The following APOBEC1 variants were observed in gnomAD, a reference collection of about 807,000 sequenced individuals.
APOBEC1 encodes apolipoprotein B mRNA editing enzyme catalytic subunit 1, also known as C->U-editing enzyme APOBEC-1.
Under a neutral mutation model 26.3 loss-of-function variants are expected in APOBEC1, and 22 were observed. The observed-to-expected ratio is 0.84, with a 90% CI of 0.60 to 1.19. APOBEC1 has a LOEUF of 1.19. Ranked by LOEUF, APOBEC1 falls within the 50% of genes most tolerant of loss-of-function variation. The pLI, the probability that APOBEC1 is intolerant of heterozygous loss-of-function variation, is 0.00. For synonymous variants in APOBEC1, 77 were observed against 95.3 expected (o/e 0.81, Z 1.12); for missense variants, 253 against 289.0 (o/e 0.88, Z 0.90).
chr12:7,655,340 A>T (rs1457668397), intron 1 of APOBEC1, among the ~76,000 whole-genome samples: 4 of 151,038 alleles, frequency 2.6e-5, no homozygotes. Flanking sequence ...GAGAAACCGC[A>T]TCTCTACTAA....
intron 1 of APOBEC1, among the ~76,000 whole-genome samples, chr12:7,654,854 AG>A (rs1257220397): frequency 1.3e-5 from 2 of 152,194 alleles, no homozygotes; most frequent in Non-Finnish European, 2.9e-5. Context: ...ATCCCAAACA[AG>A]GTAGTCTGCC....
chr12:7,656,001 C>A (rs897515774), intron 1 of APOBEC1, among the ~76,000 whole-genome samples: 4 of 151,918 alleles, frequency 2.6e-5, no homozygotes, highest in African/African-American at 9.7e-5. Flanking sequence ...AATTTTATTT[C>A]ATTTGTTATT....
chr12:7,652,352 G>T, intron 3 of APOBEC1, 86 bp downstream of exon 3: 1 of 1,271,310 alleles, frequency 7.9e-7, no homozygotes, highest in Non-Finnish European at 1.1e-6. Flanking sequence ...CTTCCAGCCT[G>T]GGCTAACCAA....
At chr12:7,651,559 T>G (rs1302675847) in intron 3 of APOBEC1, among the ~76,000 whole-genome samples, 1 of 144,214 alleles carries the variant, frequency 6.9e-6, no homozygotes, top group South Asian at 2.2e-4. Context: ...TTGCAGTGAG[T>G]CGAGATTGCA....
At chr12:7,665,452 C>T (rs994781154) in intron 1 of APOBEC1, among the ~76,000 whole-genome samples, 8 of 151,984 alleles carry the variant, frequency 5.3e-5, no homozygotes, top group African/African-American at 1.9e-4. Flanking sequence ...CATGCGCCAC[C>T]ATGCCTGGCT....
intron 1 of APOBEC1, 101 bp downstream of exon 1, chr12:7,665,752 GACAC>G (rs60124402): frequency 0.047 from 35,661 of 765,314 alleles, 172 homozygotes; most frequent in African/African-American, 0.084. Flanking sequence ...GAATCAGCAG[GACAC>G]ACACACACAC....
At chr12:7,662,975 G>T (rs749987094) in intron 1 of APOBEC1, among the ~76,000 whole-genome samples, 1 of 152,214 alleles carries the variant, frequency 6.6e-6, no homozygotes, top group Admixed American at 6.5e-5. Flanking sequence ...ATGATTCAAG[G>T]GAGAGTACTG....
At chr12:7,662,883 G>C (rs1055444599) in intron 1 of APOBEC1, among the ~76,000 whole-genome samples, 1 of 152,128 alleles carries the variant, frequency 6.6e-6, no homozygotes, top group Non-Finnish European at 1.5e-5. Flanking sequence ...GGAGGGAGAT[G>C]AGCAATGGAG....
At chr12:7,668,869 T>C (rs1863922948), upstream of APOBEC1, among the ~76,000 whole-genome samples, 1 of 152,102 alleles carries the variant, frequency 6.6e-6, no homozygotes, top group South Asian at 2.1e-4. Flanking sequence ...GTAGCTGGGA[T>C]TACAGAGATG....
At chr12:7,667,084 A>G (rs11055118), upstream of APOBEC1, among the ~76,000 whole-genome samples, 15,407 of 151,410 alleles carry the variant, frequency 0.1, 983 homozygotes, top group South Asian at 0.22. Flanking sequence ...GCTAATTTTT[A>G]TATTTTTAGT....
chr12:7,654,000 T>A (rs1863681249), intron 2 of APOBEC1, among the ~76,000 whole-genome samples: 1 of 152,188 alleles, frequency 6.6e-6, no homozygotes, highest in Admixed American at 6.5e-5. Flanking sequence ...AGTATCACAT[T>A]CATTTACTAC....
chr12:7,656,845 C>G (rs1428671640), intron 1 of APOBEC1, among the ~76,000 whole-genome samples: 1 of 152,104 alleles, frequency 6.6e-6, no homozygotes, highest in African/African-American at 2.4e-5. Flanking sequence ...TAGAAAGATG[C>G]CTGTTTTATG....
At chr12:7,665,797 ACACACAC>A in intron 1 of APOBEC1, 53 bp downstream of exon 1, 6 of 1,350,514 alleles carry the variant, frequency 4.4e-6, no homozygotes, top group Non-Finnish European at 5.2e-6. Context: ...ACACACACAC[ACACACAC>A]ACCATTCTTG....
At chr12:7,655,175 C>G (rs1863695854) in intron 1 of APOBEC1, among the ~76,000 whole-genome samples, 2 of 151,834 alleles carry the variant, frequency 1.3e-5, no homozygotes, top group Admixed American at 1.3e-4. Flanking sequence ...CACCATTGCA[C>G]TCCAGCCTGG....
At chr12:7,668,202 G>A (rs1016141801), upstream of APOBEC1, among the ~76,000 whole-genome samples, 2 of 152,156 alleles carry the variant, frequency 1.3e-5, no homozygotes, top group Non-Finnish European at 2.9e-5. Flanking sequence ...TTCAAGGAAT[G>A]AGGAAAGCCT....
chr12:7,665,891 T>A lies in APOBEC1; in HGVS notation c.-19A>T. ...AAGTCATGGTGCTCTGTCTCTGGAC[T>A]TCCTCCTCTGGAGTCATAAGTTGTG... On this transcript the variant is annotated 5_prime_UTR_variant, in exon 1 of 5. The change creates a new upstream start codon in the 5' untranslated region. Transcript: ENST00000229304. 1 of 1,613,710 alleles carries A rather than the reference T, an allele frequency of 6.2e-7. No homozygotes were observed. Among genetic ancestry groups the A allele is most frequent in the East Asian group, 2.2e-5 (1 of 44,834 alleles).
intron 4 of APOBEC1, among the ~76,000 whole-genome samples, 191 bp downstream of exon 4, chr12:7,650,832 G>A (rs1231370295): frequency 6.6e-6 from 1 of 152,194 alleles, no homozygotes; most frequent in East Asian, 1.9e-4. Flanking sequence ...CAAGCTTCCT[G>A]CGTAGCTGGG....
intron 1 of APOBEC1, among the ~76,000 whole-genome samples, chr12:7,663,561 C>T (rs1180690016): frequency 1.3e-5 from 2 of 152,034 alleles, no homozygotes; most frequent in Non-Finnish European, 2.9e-5. Flanking sequence ...TCCGAGGGAG[C>T]CTTACATAAA....
At chr12:7,650,275 C>T (rs768407048) in intron 4 of APOBEC1, among the ~76,000 whole-genome samples, 3 of 152,130 alleles carry the variant, frequency 2.0e-5, no homozygotes, top group Non-Finnish European at 4.4e-5. Flanking sequence ...TGATGACACA[C>T]GCCTGTAGTT....
Sources: allele counts gnomAD v4.1 joint callset (sites outside exome capture counted in the v4.1 genomes callset), GRCh38; gene constraint gnomAD v4.1.1; transcripts MANE v1.5; gene names NCBI Gene and HGNC (gene_info 2026-07-23, HGNC 2026-07-21).